Variants in TANGO6 observed in about 807,000 individuals in gnomAD.
TANGO6 encodes transport and golgi organization 6 homolog.
Under a neutral mutation model 114.2 loss-of-function variants are expected in TANGO6, and 90 were observed. The observed-to-expected ratio is 0.79, with a 90% CI of 0.66 to 0.94. The LOEUF is 0.94. TANGO6 is among the 40% of genes least tolerant of loss of function. The pLI, the probability that TANGO6 is intolerant of heterozygous loss-of-function variation, is 0.00. For synonymous variants in TANGO6, 477 were observed against 509.8 expected, an observed-to-expected ratio of 0.94 and a Z score of 0.87; for missense variants, 1,274 against 1,315.3, an observed-to-expected ratio of 0.97 and a Z score of 0.49.
chr16:69,002,497 A>T (rs968123173), intron 15 of TANGO6, among the ~76,000 whole-genome samples: 1 of 151,912 alleles, frequency 6.6e-6, no homozygotes, highest in African/African-American at 2.4e-5. Flanking sequence ...TTCTCTTAAG[A>T]TCTGATGGTT....
At chr16:69,057,495 A>C (rs1960050943) in intron 17 of TANGO6, among the ~76,000 whole-genome samples, 2 of 152,172 alleles carry the variant, frequency 1.3e-5, no homozygotes, top group African/African-American at 4.8e-5. Context: ...TAAGACGAAG[A>C]AGCTAAGTAA....
At chr16:68,921,118 CAAAA>C (rs374286269) in intron 12 of TANGO6, among the ~76,000 whole-genome samples, 11 of 55,736 alleles carry the variant, frequency 2.0e-4, no homozygotes, top group Non-Finnish European at 3.6e-5. Context: ...GACTCTGTCT[CAAAA>C]AAAAAAAAAA....
chr16:68,851,085 T>C (rs1322583282), intron 1 of TANGO6, among the ~76,000 whole-genome samples: 2 of 152,184 alleles, frequency 1.3e-5, no homozygotes, highest in Non-Finnish European at 2.9e-5. Flanking sequence ...AAATAATCTG[T>C]GATTTCCTAT....
intron 14 of TANGO6, among the ~76,000 whole-genome samples, chr16:68,955,920 G>A (rs1239210060): frequency 1.3e-5 from 2 of 152,110 alleles, no homozygotes; most frequent in Admixed American, 6.6e-5. Flanking sequence ...GAGGCCCGAG[G>A]CTGGAGGATT....
chr16:68,984,271 C>T (rs1236136622), intron 15 of TANGO6, among the ~76,000 whole-genome samples: 1 of 152,096 alleles, frequency 6.6e-6, no homozygotes, highest in East Asian at 1.9e-4. Context: ...AAATGAAATG[C>T]TCCCTGCTGA....
intron 16 of TANGO6, chr16:69,026,354 C>A (rs1159036393): frequency 1.3e-5 from 2 of 153,410 alleles, no homozygotes; most frequent in Non-Finnish European, 2.9e-5. Flanking sequence ...AACATTTACG[C>A]TATAATCTTT....
intron 4 of TANGO6, among the ~76,000 whole-genome samples, chr16:68,870,951 T>A (rs911219923): frequency 6.6e-6 from 1 of 151,350 alleles, no homozygotes; most frequent in Admixed American, 6.6e-5. Flanking sequence ...CGGCTAATTT[T>A]TTTTTTTTTT....
chr16:68,996,849 C>T (rs903416697), intron 15 of TANGO6, among the ~76,000 whole-genome samples: 2 of 152,042 alleles, frequency 1.3e-5, no homozygotes, highest in Non-Finnish European at 2.9e-5. Flanking sequence ...AGTTAGATTA[C>T]AGGGAGGATT....
At chr16:69,079,333 C>T (rs1337120109) in intron 17 of TANGO6, among the ~76,000 whole-genome samples, 3 of 150,620 alleles carry the variant, frequency 2.0e-5, no homozygotes, top group Non-Finnish European at 4.4e-5. Flanking sequence ...GTCTCAAAAA[C>T]AAATAAATAA....
At position 68,860,327 on chromosome 16, in the gene TANGO6, C is replaced by G; in HGVS notation, c.538C>G (p.Gln180Glu). The part of the protein sequence containing the change: ...RYRTEFGAVV[Q>E]DVVCFDAAPD... ...TAGAACTGAATTTGGTGCCGTCGTTCAAGACGTGGTGTGTTTTGATGCTGC... is the reference window on the plus strand; with the variant it reads ...TAGAACTGAATTTGGTGCCGTCGTTGAAGACGTGGTGTGTTTTGATGCTGC... The change falls in exon 2 of 18, where the codon CAA becomes GAA. Residue 180 changes from glutamine (Q) to glutamate (E), a missense_variant. Gln to Glu is a conservative substitution (Grantham distance 29). This residue lies in a region of TANGO6 where 908 missense variants were observed against 910.2 expected (regional missense o/e 1.00). Coordinates refer to ENST00000261778, the MANE Select transcript of TANGO6 (RefSeq NM_024562.2). 1 of 1,613,978 alleles carries G rather than the reference C, an allele frequency of 6.2e-7. No homozygotes were observed. The highest frequency in any genetic ancestry group is 8.5e-7 in the Non-Finnish European group (1 of 1,179,906).
At chr16:68,878,391 C>G (rs775362063) in intron 6 of TANGO6, 111 bp downstream of exon 6, 54 of 1,271,412 alleles carry the variant, frequency 4.2e-5, no homozygotes, top group Non-Finnish European at 5.4e-5. Flanking sequence ...TTTCCTTCCC[C>G]TCCCCCCAAC....
At chr16:69,074,623 C>T (rs369085506) in intron 17 of TANGO6, among the ~76,000 whole-genome samples, 58 of 152,078 alleles carry the variant, frequency 3.8e-4, no homozygotes, top group African/African-American at 1.3e-3. Context: ...CTCCAGATAT[C>T]GGGATATCTG....
chr16:68,949,611 C>T (rs1963450891), intron 14 of TANGO6, among the ~76,000 whole-genome samples: 1 of 150,280 alleles, frequency 6.7e-6, no homozygotes, highest in South Asian at 2.1e-4. Context: ...ATGAGCGAAA[C>T]TCTGTCTCAA....
intron 17 of TANGO6, among the ~76,000 whole-genome samples, chr16:69,055,277 G>A (rs909874358): frequency 1.3e-5 from 2 of 152,174 alleles, no homozygotes; most frequent in African/African-American, 4.8e-5. Context: ...GAACAACCAC[G>A]TTGTGGGAAA....
chr16:68,963,969 G>A (rs1166232441), intron 14 of TANGO6, among the ~76,000 whole-genome samples: 1 of 151,988 alleles, frequency 6.6e-6, no homozygotes, highest in Non-Finnish European at 1.5e-5. Context: ...GGAGAAAGAG[G>A]ATGCAAATGT....
intron 17 of TANGO6, among the ~76,000 whole-genome samples, chr16:69,056,999 T>C (rs1032494594): frequency 1.5e-5 from 1 of 65,928 alleles, no homozygotes; most frequent in South Asian, 5.5e-4. Context: ...CTGATTTTCT[T>C]TTTTTTTTTT....
At chr16:68,913,485 T>C (rs998110333) in intron 11 of TANGO6, among the ~76,000 whole-genome samples, 12 of 149,522 alleles carry the variant, frequency 8.0e-5, no homozygotes, top group African/African-American at 3.0e-4. Flanking sequence ...CTCGGCTTAC[T>C]GCAACCTCTG....
intron 17 of TANGO6, among the ~76,000 whole-genome samples, chr16:69,079,817 G>T (rs575885539): frequency 6.6e-6 from 1 of 152,100 alleles, no homozygotes; most frequent in Non-Finnish European, 1.5e-5. Context: ...AACCTCTCTG[G>T]CCATATCTAT....
chr16:68,930,405 G>A, intron 14 of TANGO6, 110 bp downstream of exon 14: 3 of 883,008 alleles, frequency 3.4e-6, no homozygotes, highest in Non-Finnish European at 5.4e-6. Context: ...TGGTCATTTT[G>A]TCCGTCTTCC....
Sources: gnomAD v4.1 joint callset for allele counts (sites outside exome capture counted in the v4.1 genomes callset) on GRCh38, gnomAD v4.1.1 for gene constraint, gnomAD v4.1.1 regional missense constraint, MANE v1.5 for transcripts, NCBI Gene and HGNC (gene_info 2026-07-23, HGNC 2026-07-21) for gene names.